The following GRID2 variants were observed in gnomAD, a reference collection of about 807,000 sequenced individuals.
GRID2 encodes glutamate receptor ionotropic, delta-2.
GRID2 carries 33 observed loss-of-function variants against 114.8 expected under a neutral mutation model. The ratio of observed to expected loss-of-function variants is 0.29; its 90% CI spans 0.22 to 0.38. The LOEUF is 0.38. GRID2 is among the 10% of genes least tolerant of loss of function. GRID2 has a pLI of 1.00. For synonymous variants in GRID2, 505 were observed against 449.9 expected, an observed-to-expected ratio of 1.12 and a Z score of -1.55; for missense variants, 1,184 against 1,257.7, an observed-to-expected ratio of 0.94 and a Z score of 0.89.
intron 3 of GRID2, among the ~76,000 whole-genome samples, chr4:93,088,236 T>C (rs1730493045): frequency 6.6e-6 from 1 of 152,052 alleles, no homozygotes; most frequent in South Asian, 2.1e-4. Flanking sequence ...GATGAAAAGA[T>C]GAAAAAAATG....
intron 13 of GRID2, among the ~76,000 whole-genome samples, chr4:93,602,416 T>A (rs1241985552): frequency 1.3e-5 from 2 of 152,234 alleles, no homozygotes; most frequent in East Asian, 3.9e-4. Context: ...ATTAAAGGTT[T>A]GCAGCAGCCC....
At chr4:93,219,250 T>C (rs1175086257) in intron 6 of GRID2, among the ~76,000 whole-genome samples, 2 of 152,192 alleles carry the variant, frequency 1.3e-5, no homozygotes, top group African/African-American at 4.8e-5. Context: ...TAAGAAAAAT[T>C]ATTGACTGTG....
intron 1 of GRID2, among the ~76,000 whole-genome samples, chr4:92,561,491 G>T (rs1201223531): frequency 6.6e-6 from 1 of 152,040 alleles, no homozygotes; most frequent in Admixed American, 6.6e-5. Context: ...CTTTTATATT[G>T]TTTCTCCACA....
intron 13 of GRID2, among the ~76,000 whole-genome samples, chr4:93,557,018 A>T (rs1184865001): frequency 1.3e-5 from 2 of 152,152 alleles, no homozygotes; most frequent in Non-Finnish European, 2.9e-5. Flanking sequence ...AAGAAATAAA[A>T]TTTTTTACAG....
chr4:92,620,964 A>G (rs1730244662), intron 2 of GRID2, among the ~76,000 whole-genome samples: 2 of 149,954 alleles, frequency 1.3e-5, no homozygotes, highest in South Asian at 4.2e-4. Context: ...TAATGAAGAC[A>G]CATTAGCTAG....
At chr4:92,566,265 A>T (rs369705602) in intron 1 of GRID2, among the ~76,000 whole-genome samples, 12 of 152,118 alleles carry the variant, frequency 7.9e-5, no homozygotes, top group African/African-American at 2.9e-4. Context: ...ATATTATTCA[A>T]TTCAATATGG....
intron 6 of GRID2, among the ~76,000 whole-genome samples, chr4:93,219,415 C>T (rs1744621198): frequency 6.6e-6 from 1 of 152,070 alleles, no homozygotes; most frequent in Admixed American, 6.6e-5. Context: ...TGGGGAAGCA[C>T]CAACTTCCTC....
At chr4:92,806,083 G>A (rs1341920803) in intron 2 of GRID2, among the ~76,000 whole-genome samples, 1 of 149,768 alleles carries the variant, frequency 6.7e-6, no homozygotes, top group Non-Finnish European at 1.5e-5. Context: ...TTTATTCTTG[G>A]CCCTTTTATA....
At chr4:92,698,619 A>G (rs1456764095) in intron 2 of GRID2, among the ~76,000 whole-genome samples, 1 of 151,862 alleles carries the variant, frequency 6.6e-6, no homozygotes, top group African/African-American at 2.4e-5. Flanking sequence ...TTTCTGATAT[A>G]GAAGCTGATC....
Position 93,340,315 on chromosome 4 carries a change from G to T in GRID2, c.1246-55292G>T, listed in dbSNP as rs915865283. ...AATTGGCCCACTATGCCCCTTTTCT[G>T]TCTGTCTTTCTTTTTCTTAAAGTTC... is the stretch of plus-strand genomic sequence containing the variant. On this transcript the variant is annotated intron_variant, in intron 8 of 15. Coordinates refer to ENST00000282020, the MANE Select transcript of GRID2 (RefSeq NM_001510.4). 5.4e-5 allele frequency among the ~76,000 whole-genome samples: 7 copies of T among 129,406 alleles called. No homozygotes were observed. In the South Asian group the frequency reaches 9.4e-4, roughly 17 times the overall value. 84.9% of individuals were successfully genotyped at this position (129,406 alleles called of 152,430 possible).
At chr4:92,929,578 T>C in intron 2 of GRID2, among the ~76,000 whole-genome samples, 1 of 151,418 alleles carries the variant, frequency 6.6e-6, no homozygotes, top group East Asian at 1.9e-4. Context: ...ATATTGTAAC[T>C]TGTGAACTAA....
chr4:93,663,917 AT>A (rs1055047262), intron 14 of GRID2, among the ~76,000 whole-genome samples: 1 of 152,124 alleles, frequency 6.6e-6, no homozygotes, highest in Non-Finnish European at 1.5e-5. Context: ...CTTAAACATT[AT>A]TTTTTTCAAA....
At chr4:92,388,759 A>T (rs1730101036) in intron 1 of GRID2, among the ~76,000 whole-genome samples, 1 of 152,048 alleles carries the variant, frequency 6.6e-6, no homozygotes, top group Non-Finnish European at 1.5e-5. Context: ...GTGTATATAT[A>T]TGAAATAGAC....
intron 1 of GRID2, among the ~76,000 whole-genome samples, chr4:92,422,119 G>A (rs1731937660): frequency 1.3e-5 from 2 of 152,042 alleles, no homozygotes; most frequent in East Asian, 1.9e-4. Context: ...AAATGCAAAT[G>A]AGCCTTAGAG....
At chr4:93,594,064 C>T (rs1339924270) in intron 13 of GRID2, among the ~76,000 whole-genome samples, 6 of 152,206 alleles carry the variant, frequency 3.9e-5, no homozygotes, top group East Asian at 1.9e-4. Context: ...TCGTCAAAGT[C>T]GTTCTCCGTC....
At chr4:93,589,610 T>A (rs1737956301) in intron 13 of GRID2, among the ~76,000 whole-genome samples, 1 of 152,030 alleles carries the variant, frequency 6.6e-6, no homozygotes, top group South Asian at 2.1e-4. Context: ...TAGTTCTAGA[T>A]CCCTGAGGAA....
At chr4:93,645,987 A>G (rs1272260435) in intron 14 of GRID2, among the ~76,000 whole-genome samples, 1 of 152,174 alleles carries the variant, frequency 6.6e-6, no homozygotes. Context: ...TAAGGCAAGC[A>G]GTTTACTAGA....
intron 2 of GRID2, among the ~76,000 whole-genome samples, chr4:92,699,766 C>T (rs954004391): frequency 1.3e-5 from 2 of 152,110 alleles, no homozygotes; most frequent in Admixed American, 1.3e-4. Flanking sequence ...TCAGTGTTCT[C>T]TTTCTTCTGT....
At position 93,168,071 on chromosome 4, in the gene GRID2, T is replaced by C. The variant is rs143424477; in HGVS notation, c.736-39333T>C. On this transcript the variant is annotated intron_variant, in intron 4 of 15. Coordinates refer to ENST00000282020, the MANE Select transcript of GRID2 (RefSeq NM_001510.4). Reference sequence around the variant, plus strand: ...CTTAGCGAGGTGTAGTGGTGCACTCTTGTAATCCCACCCACTTGGGAGGCT... The same window carrying C: ...CTTAGCGAGGTGTAGTGGTGCACTCCTGTAATCCCACCCACTTGGGAGGCT... Among the ~76,000 whole-genome samples, 816 of 151,986 alleles carry C rather than the reference T, an allele frequency of 5.4e-3. 10 individuals are homozygous for C. The highest frequency in any genetic ancestry group is 0.019 in the African/African-American group (781 of 41,458).
Sources: gnomAD v4.1 joint callset for allele counts (sites outside exome capture counted in the v4.1 genomes callset) on GRCh38, gnomAD v4.1.1 for gene constraint, MANE v1.5 for transcripts, NCBI Gene and HGNC (gene_info 2026-07-23, HGNC 2026-07-21) for gene names.